Variants in RBM12 observed in about 807,000 individuals in gnomAD.
RBM12 encodes RNA-binding protein 12.
RBM12 carries 24 observed loss-of-function variants against 37.2 expected under a neutral mutation model. That is an observed-to-expected ratio of 0.65 (90% CI 0.47 to 0.91). RBM12 has a LOEUF of 0.91. Among genes scored for constraint, RBM12 ranks in the 40% least tolerant of loss-of-function variants. The probability of loss-of-function intolerance (pLI) is 0.00; values close to 1 mark genes in which losing one functional copy is unlikely to be tolerated. For missense variants in RBM12, 1,061 were observed against 1,183.2 expected (o/e 0.90, Z 1.52); for synonymous variants, 420 against 425.2 (o/e 0.99, Z 0.15).
rs1429070196 is a variant in RBM12 at position 35,649,674 on chromosome 20, C to G, written c.*2850G>C. ...GTGAACTAAATGTTTCACTAAAGTT[C>G]AGAAAAGTTTACAAATTTGCTTATT... On this transcript the variant is annotated 3_prime_UTR_variant, in exon 3 of 3. Coordinates refer to ENST00000374114, the MANE Select transcript of RBM12 (RefSeq NM_006047.6). 1 of 152,212 alleles carries G rather than the reference C, an allele frequency of 6.6e-6. No individual in the cohort carries two copies. The highest frequency in any genetic ancestry group is 1.5e-5 in the Non-Finnish European group (1 of 67,958). 9.4% of individuals were successfully genotyped at this position (152,212 alleles called of 1,614,324 possible).
rs1214161219 is a variant in RBM12, at chr20:35,650,316, G to A, written c.*2208C>T. 6.6e-6 allele frequency: 1 copy of A among 152,216 alleles called. No homozygotes were observed. The highest frequency in any genetic ancestry group is 1.5e-5 in the Non-Finnish European group (1 of 68,008). The allele number at this position is 152,216 out of a possible 1,614,324, so 9.4% of individuals were successfully genotyped here. ...TTATCTAAGATGTAGAAATAACAAAGTAGTTGCAATAAAGTGTATGAAATA... is the reference window on the plus strand; with the variant it reads ...TTATCTAAGATGTAGAAATAACAAAATAGTTGCAATAAAGTGTATGAAATA... On this transcript the variant is annotated 3_prime_UTR_variant, in exon 3 of 3. Transcript: ENST00000374114.
rs1422606281 is a variant in RBM12 at position 35,654,116 on chromosome 20, G to T, written c.1207C>A (p.Pro403Thr). ...GACCTGGGAAGTGTCTGAGGAGGGG[G>T]ATGAGTTTGTCCAGAAGGTCCCATA... ...QNMGPSGQTHPPPQTLPRSKS... is the reference protein window; with the variant it reads ...QNMGPSGQTHTPPQTLPRSKS... Residue 403 changes from proline (P) to threonine (T), a missense_variant, in exon 3 of 3, where the codon CCC becomes ACC. This residue lies in a region of RBM12 where 540 missense variants were observed against 632.7 expected (regional missense o/e 0.85). Coordinates refer to ENST00000374114, the MANE Select transcript of RBM12 (RefSeq NM_006047.6). The T allele has an allele frequency of 6.2e-7, 1 of 1,614,098 alleles. No homozygotes were observed. Among genetic ancestry groups the T allele is most frequent in the East Asian group, 2.2e-5 (1 of 44,900 alleles).
At chr20:35,662,301 TCTAA>T (rs2034274636) in intron 1 of RBM12, among the ~76,000 whole-genome samples, 1 of 152,230 alleles carries the variant, frequency 6.6e-6, no homozygotes, top group Non-Finnish European at 1.5e-5. Flanking sequence ...AAATTATACT[TCTAA>T]CCTAAACAAC....
rs779375149 is a variant in RBM12, at chr20:35,653,067, A to G, written c.2256T>C (p.Pro752=). 1 of 1,613,982 alleles carries G rather than the reference A, an allele frequency of 6.2e-7. No homozygotes were observed. The highest frequency in any genetic ancestry group is 1.1e-5 in the South Asian group (1 of 91,092). ...LGGGAFGDAR[P]GMPSVGNSGL... Reference sequence around the variant, plus strand: ...CACTGTTTCCAACTGAAGGCATACCAGGCCTAGCATCACCAAAGGCCCCGC... The same window carrying G: ...CACTGTTTCCAACTGAAGGCATACCGGGCCTAGCATCACCAAAGGCCCCGC... The change falls in exon 3 of 3, where the codon CCT becomes CCC. Residue 752 remains proline (P), a synonymous_variant. Transcript: ENST00000374114.
intron 2 of RBM12, among the ~76,000 whole-genome samples, chr20:35,657,319 C>T (rs971216480): frequency 1.3e-5 from 2 of 152,180 alleles, no homozygotes; most frequent in African/African-American, 4.8e-5. Context: ...GTTTCCAAGT[C>T]ATTAAATCAA....
Position 35,654,378 on chromosome 20 carries a change from T to C in RBM12, c.945A>G (p.Ala315=). The C allele has an allele frequency of 1.2e-6, 2 of 1,614,218 alleles. No homozygotes were observed. Among genetic ancestry groups the C allele is most frequent in the South Asian group, 2.2e-5 (2 of 91,088 alleles). Reference sequence around the variant, plus strand: ...AAAAATCTCTGACATCATTTTCCATTGCAGAAAAGGGCATTCCATGCACAC... The same window carrying C: ...AAAAATCTCTGACATCATTTTCCATCGCAGAAAAGGGCATTCCATGCACAC... ...YVSVHGMPFS[A]MENDVRDFFH... The change falls in exon 3 of 3, where the codon GCA becomes GCG. Residue 315 remains alanine (A), a synonymous_variant. Coordinates refer to ENST00000374114, the MANE Select transcript of RBM12 (RefSeq NM_006047.6).
Position 35,655,214 on chromosome 20 carries a change from C to T in RBM12, c.109G>A (p.Gly37Arg), listed in dbSNP as rs1257437580. The T allele has an allele frequency of 1.2e-6, 2 of 1,614,124 alleles. No homozygotes were observed. Among genetic ancestry groups the T allele is most frequent in the Admixed American group, 1.7e-5 (1 of 60,010 alleles). Residue 37 changes from glycine (G) to arginine (R), a missense_variant, in exon 3 of 3, where the codon GGG (glycine) becomes AGG (arginine). Gly to Arg is a moderately radical substitution (Grantham distance 125, BLOSUM62 -2). Coordinates refer to ENST00000374114, the MANE Select transcript of RBM12 (RefSeq NM_006047.6). ...TIPDGGVHIV[G>R]GELGEAFIVF... ...ATGAAAGCCTCACCCAGTTCACCCC[C>T]TACAATATGCACGCCCCCATCAGGA... is the stretch of plus-strand genomic sequence containing the variant.
intron 1 of RBM12, among the ~76,000 whole-genome samples, chr20:35,662,826 A>C (rs35879157): frequency 0.038 from 5,733 of 152,322 alleles, 371 homozygotes; most frequent in African/African-American, 0.13. Context: ...AAGGTGAAAG[A>C]AGCCCAAAGA....
At chr20:35,655,845 G>T (rs770483695) in intron 2 of RBM12, among the ~76,000 whole-genome samples, 1 of 152,064 alleles carries the variant, frequency 6.6e-6, no homozygotes, top group Non-Finnish European at 1.5e-5. Flanking sequence ...CCATCCAACA[G>T]AAGCAAAAAA....
intron 2 of RBM12, 106 bp downstream of exon 2, chr20:35,658,802 AACACACACACACACACACACAC>A (rs10542710): frequency 1.7e-5 from 8 of 472,632 alleles, no homozygotes; most frequent in Non-Finnish European, 3.1e-5. Context: ...AGCAAACAAA[AACACACACACACACACACACAC>A]ACACACACAC....
rs2033390888 is a variant in RBM12, at chr20:35,649,992, TAGG to T, written c.*2529_*2531del. On this transcript the variant is annotated 3_prime_UTR_variant, in exon 3 of 3. Transcript: ENST00000374114. ...TCATTTCTACCCCAAACCTAGTTCT[TAGG>T]AGAAAATTCGCAGGAAGAGAGGTAT... 6.6e-6 allele frequency: 1 copy of T among 152,598 alleles called. No homozygotes were observed. Among genetic ancestry groups the T allele is most frequent in the Non-Finnish European group, 1.5e-5 (1 of 68,016 alleles). The allele number at this position is 152,598 out of a possible 1,614,324, so 9.5% of individuals were successfully genotyped here.
chr20:35,657,684 AAT>A (rs1169591842), intron 2 of RBM12, among the ~76,000 whole-genome samples: 1 of 152,256 alleles, frequency 6.6e-6, no homozygotes, highest in African/African-American at 2.4e-5. Context: ...GAAAGGGCTG[AAT>A]ATTAAACCAA....
At chr20:35,662,887 T>C (rs1262458147) in intron 1 of RBM12, among the ~76,000 whole-genome samples, 1 of 152,224 alleles carries the variant, frequency 6.6e-6, no homozygotes, top group African/African-American at 2.4e-5. Context: ...CACAATTATT[T>C]CTAAAGCTTC....
At chr20:35,658,620 G>C (rs1316809340) in intron 2 of RBM12, among the ~76,000 whole-genome samples, 2 of 152,100 alleles carry the variant, frequency 1.3e-5, no homozygotes, top group African/African-American at 2.4e-5. Context: ...AATTAGCCGG[G>C]TATGGTGGCA....
At chr20:35,659,153 A>G (rs2034087661) in intron 1 of RBM12, 139 bp from the exon 2 acceptor site, 1 of 462,920 alleles carries the variant, frequency 2.2e-6, no homozygotes, top group Non-Finnish European at 3.9e-6. Flanking sequence ...AAAAAAAAAA[A>G]AAGAAAGACA....
rs758454131 is a variant in RBM12, at chr20:35,654,192, G to C, written c.1131C>G (p.Ala377=). 6.2e-7 allele frequency: 1 copy of C among 1,614,076 alleles called. No individual in the cohort carries two copies. Among genetic ancestry groups the C allele is most frequent in the Non-Finnish European group, 8.5e-7 (1 of 1,180,052 alleles). ...CAGCAGCTACCCACTGTCTTTCTGT[G>C]GCAGGGCTAACTTCCACATAGCGTT... ...MIQRYVEVSP[A]TERQWVAAGG... Residue 377 remains alanine, a synonymous_variant, in exon 3 of 3, where the codon GCC becomes GCG. Transcript: ENST00000374114.
chr20:35,658,907 ACT>A (rs1461670173), intron 2 of RBM12, 21 bp downstream of exon 2: 5 of 709,692 alleles, frequency 7.0e-6, no homozygotes, highest in Admixed American at 6.3e-5. Flanking sequence ...ATAAAAACGA[ACT>A]CTCTATTCAA....
At position 35,653,246 on chromosome 20, in the gene RBM12, G is replaced by A. The variant is rs867400669; in HGVS notation, c.2077C>T (p.Pro693Ser). ...CCTGCACTAGGTATTCCTGCACTGG[G>A]CATTCCCGCACCAGGCAGTCCTGCA... Reference protein sequence around the residue: ...TSAGLPGAGMPSAGIPSAGGE... With the variant: ...TSAGLPGAGMSSAGIPSAGGE... Residue 693 changes from proline to serine, a missense_variant, in exon 3 of 3, where the codon CCC (proline) becomes TCC (serine). This residue lies in a region of RBM12 where 517 missense variants were observed against 534.0 expected (regional missense o/e 0.97). Coordinates refer to ENST00000374114, the MANE Select transcript of RBM12 (RefSeq NM_006047.6). 1 of 1,613,556 alleles carries A rather than the reference G, an allele frequency of 6.2e-7. No homozygotes were observed. Among genetic ancestry groups the A allele is most frequent in the Non-Finnish European group, 8.5e-7 (1 of 1,179,894 alleles).
rs1256826047 is a variant in RBM12 at position 35,655,477 on chromosome 20, T to C, written c.-22-133A>G. ...AGCTATCACAGGCAATGTCTTTAAT[T>C]TAGATATTCTAAAAACTGAACATTA... On this transcript the variant is annotated intron_variant, in intron 2 of 2. Coordinates refer to ENST00000374114, the MANE Select transcript of RBM12 (RefSeq NM_006047.6). 81 of 760,416 alleles carry C rather than the reference T, an allele frequency of 1.1e-4. 1 individual carries two copies. In the South Asian group the frequency reaches 1.1e-3, roughly 11 times the overall value. 47.1% of individuals were successfully genotyped at this position (760,416 alleles called of 1,614,324 possible). A position where few individuals can be genotyped will look rare whatever the true frequency, so the allele number is the denominator to read the frequency against.
Sources: allele counts gnomAD v4.1 joint callset (sites outside exome capture counted in the v4.1 genomes callset), GRCh38; gene constraint gnomAD v4.1.1; regional missense constraint gnomAD v4.1.1; transcripts MANE v1.5; gene names NCBI Gene and HGNC (gene_info 2026-07-23, HGNC 2026-07-21).